Variants in PIGU observed in about 807,000 individuals in gnomAD.
PIGU encodes the protein phosphatidylinositol glycan anchor biosynthesis class U, also known as GPI-anchor transamidase component PIGU.
PIGU carries 24 observed loss-of-function variants against 49.9 expected under a neutral mutation model. The ratio of observed to expected loss-of-function variants is 0.48; its 90% confidence interval spans 0.35 to 0.68. PIGU has a LOEUF of 0.68. Ranked by LOEUF, PIGU falls within the 30% of genes least tolerant of loss-of-function variation. The pLI, the probability that PIGU is intolerant of heterozygous loss-of-function variation, is 0.01. For missense variants in PIGU, 490 were observed against 532.6 expected, an observed-to-expected ratio of 0.92 and a Z score of 0.79; for synonymous variants, 220 against 205.7, an observed-to-expected ratio of 1.07 and a Z score of -0.59.
chr20:34,610,895 A>G (rs1399582915), intron 7 of PIGU, among the ~76,000 whole-genome samples: 1 of 152,176 alleles, frequency 6.6e-6, no homozygotes, highest in Non-Finnish European at 1.5e-5. Context: ...CCTCAGAAAT[A>G]ATACCACACA....
At chr20:34,644,740 T>G (rs1986278825) in intron 3 of PIGU, among the ~76,000 whole-genome samples, 1 of 152,170 alleles carries the variant, frequency 6.6e-6, no homozygotes. Flanking sequence ...CTCAAACCTG[T>G]GTCCTCTTCT....
At chr20:34,639,096 T>C (rs1469959331) in intron 4 of PIGU, among the ~76,000 whole-genome samples, 6 of 152,164 alleles carry the variant, frequency 3.9e-5, no homozygotes, top group African/African-American at 1.4e-4. Flanking sequence ...GTTAAAAGCA[T>C]GTAAAATAAT....
intron 2 of PIGU, among the ~76,000 whole-genome samples, chr20:34,652,831 G>C (rs1986582450): frequency 6.6e-6 from 1 of 151,972 alleles, no homozygotes; most frequent in African/African-American, 2.4e-5. Context: ...TGTATAACTT[G>C]AATCCTTCTA....
At chr20:34,642,134 G>T (rs1242117229) in intron 4 of PIGU, among the ~76,000 whole-genome samples, 1 of 152,134 alleles carries the variant, frequency 6.6e-6, no homozygotes, top group Non-Finnish European at 1.5e-5. Context: ...CTCTCCTGTT[G>T]ACATTGAAGC....
At chr20:34,649,720 A>G (rs551871557) in intron 2 of PIGU, among the ~76,000 whole-genome samples, 2 of 151,862 alleles carry the variant, frequency 1.3e-5, no homozygotes, top group Admixed American at 1.3e-4. Flanking sequence ...TTTTTAGTAG[A>G]AACAGGGTTT....
At chr20:34,626,584 G>A (rs1315111308) in intron 6 of PIGU, among the ~76,000 whole-genome samples, 1 of 152,098 alleles carries the variant, frequency 6.6e-6, no homozygotes, top group African/African-American at 2.4e-5. Flanking sequence ...AATTACAGGC[G>A]TGAGCCACCG....
Position 34,562,680 on chromosome 20 carries a change from A to G in PIGU, c.1195-1701T>C, listed in dbSNP as rs957853365. ...CTGGACTAATGGCCATGGACCCAGA[A>G]AGGTGGTCTGCCTGGGGCCCAGATC... On this transcript the variant is annotated intron_variant, in intron 11 of 11. Coordinates refer to ENST00000217446, the MANE Select transcript of PIGU (RefSeq NM_080476.5). 2.8e-5 allele frequency: 22 copies of G among 795,078 alleles called. No homozygotes were observed. In the Admixed American group the frequency reaches 3.8e-4, roughly 14 times the overall value. 49.3% of individuals were successfully genotyped at this position (795,078 alleles called of 1,614,324 possible).
intron 6 of PIGU, among the ~76,000 whole-genome samples, chr20:34,620,471 C>A (rs1985162828): frequency 6.6e-6 from 1 of 152,158 alleles, no homozygotes; most frequent in African/African-American, 2.4e-5. Flanking sequence ...ATTTATGGAT[C>A]ACTTGCTAGG....
chr20:34,601,939 C>G (rs920077894), intron 7 of PIGU, among the ~76,000 whole-genome samples: 3 of 152,212 alleles, frequency 2.0e-5, no homozygotes, highest in African/African-American at 7.2e-5. Flanking sequence ...GAGATTTCAT[C>G]TTACCTCTTT....
At chr20:34,606,586 A>G (rs1984624547) in intron 7 of PIGU, among the ~76,000 whole-genome samples, 1 of 152,140 alleles carries the variant, frequency 6.6e-6, no homozygotes, top group Admixed American at 6.5e-5. Flanking sequence ...CTCAGATCTT[A>G]AGGCTTCATT....
At chr20:34,573,816 C>T (rs943178860) in intron 11 of PIGU, among the ~76,000 whole-genome samples, 2 of 152,272 alleles carry the variant, frequency 1.3e-5, no homozygotes, top group Non-Finnish European at 2.9e-5. Flanking sequence ...ACAGGCCCTC[C>T]GGCTGGGCCC....
intron 7 of PIGU, among the ~76,000 whole-genome samples, chr20:34,589,294 T>C (rs1983847782): frequency 1.3e-5 from 2 of 152,074 alleles, no homozygotes; most frequent in African/African-American, 2.4e-5. Context: ...TGAAAAGAAA[T>C]AAACAAGTAA....
intron 4 of PIGU, among the ~76,000 whole-genome samples, chr20:34,640,380 T>G (rs1986111468): frequency 6.6e-6 from 1 of 152,132 alleles, no homozygotes; most frequent in African/African-American, 2.4e-5. Context: ...AGGCCCAATA[T>G]CAGCTCTCCT....
chr20:34,563,535 G>A (rs1568616830), intron 11 of PIGU, among the ~76,000 whole-genome samples: 1 of 148,912 alleles, frequency 6.7e-6, no homozygotes, highest in Non-Finnish European at 1.5e-5. Flanking sequence ...TAGGCAACAA[G>A]AGCGAAACTG....
intron 1 of PIGU, among the ~76,000 whole-genome samples, chr20:34,663,349 T>TGC (rs1423186408): frequency 6.6e-6 from 1 of 152,068 alleles, no homozygotes; most frequent in Non-Finnish European, 1.5e-5. Flanking sequence ...TGGTGATGTG[T>TGC]GCCTGTGGTC....
chr20:34,603,393 T>C (rs1381553826), intron 7 of PIGU, among the ~76,000 whole-genome samples: 2 of 152,244 alleles, frequency 1.3e-5, no homozygotes, highest in East Asian at 3.8e-4. Context: ...TATGGTTATC[T>C]AGTGGTACAG....
rs140282259 is a variant in PIGU at position 34,575,460 on chromosome 20, G to A, written c.1052-214C>T. ...CAGCTGGTGGTAGCTCCTGGATTTC[G>A]ATTATTTCCTCCCACTGTGGGCTTG... On this transcript the variant is annotated intron_variant, in intron 10 of 11. Transcript: ENST00000217446. 3.2e-3 allele frequency among the ~76,000 whole-genome samples: 483 copies of A among 152,264 alleles called. 2 individuals carry two copies. Among genetic ancestry groups the A allele is most frequent in the African/African-American group, 0.011 (456 of 41,544 alleles).
intron 10 of PIGU, among the ~76,000 whole-genome samples, chr20:34,577,914 C>A (rs1426937817): frequency 6.6e-6 from 1 of 152,084 alleles, no homozygotes; most frequent in Non-Finnish European, 1.5e-5. Context: ...GAGATGCCAC[C>A]CAACTGTGTC....
In PIGU at chr20:34,575,164, A is replaced by G. The variant is rs745329958; in HGVS notation, c.1134T>C (p.Tyr378=). The G allele has an allele frequency of 1.9e-6, 3 of 1,614,206 alleles. No individual in the cohort carries two copies. Among genetic ancestry groups the G allele is most frequent in the South Asian group, 2.2e-5 (2 of 91,086 alleles). ...AGAAATTAGAGTTGGCACTTCCTGC[A>G]TAAATCCAGAGGTGCCACAGGACAG... ...LFPVLWHLWI[Y]AGSANSNFFY... The change falls in exon 11 of 12, where the codon TAT becomes TAC. Residue 378 remains tyrosine (Y), a synonymous_variant. Coordinates refer to ENST00000217446, the MANE Select transcript of PIGU (RefSeq NM_080476.5).
Sources: allele counts gnomAD v4.1 joint callset (sites outside exome capture counted in the v4.1 genomes callset), GRCh38; gene constraint gnomAD v4.1.1; transcripts MANE v1.5; gene names NCBI Gene and HGNC (gene_info 2026-07-23, HGNC 2026-07-21).